SLC9C1: variants seen among roughly 807,000 people sequenced by gnomAD.
SLC9C1 encodes solute carrier family 9 member C1.
In SLC9C1, 97 loss-of-function variants were observed where a neutral mutation model predicts 140.9. The observed-to-expected ratio is 0.69, with a 90% CI of 0.58 to 0.82. SLC9C1 has a LOEUF of 0.82. Among genes scored for constraint, SLC9C1 ranks in the 40% least tolerant of loss-of-function variants. SLC9C1 has a pLI of 0.00. For missense variants in SLC9C1, 1,340 were observed against 1,389.3 expected, an observed-to-expected ratio of 0.96 and a Z score of 0.56; for synonymous variants, 440 against 442.6, an observed-to-expected ratio of 0.99 and a Z score of 0.07.
At chr3:112,167,394 A>T in intron 25 of SLC9C1, 47 bp from the exon 26 acceptor site, 1 of 1,521,344 alleles carries the variant, frequency 6.6e-7, no homozygotes, top group Non-Finnish European at 8.8e-7. Flanking sequence ...AATATCCTAC[A>T]ATTAAAAATT....
intron 21 of SLC9C1, among the ~76,000 whole-genome samples, chr3:112,180,906 C>G (rs752211619): frequency 1.3e-5 from 2 of 152,074 alleles, no homozygotes; most frequent in Non-Finnish European, 2.9e-5. Flanking sequence ...CAGGTGCCCA[C>G]GACCATGCCC....
In SLC9C1 at chr3:112,180,641, A is replaced by T; in HGVS notation, c.2671T>A (p.Phe891Ile). The change falls in exon 22 of 29, where the codon TTT (phenylalanine) becomes ATT (isoleucine). Residue 891 changes from phenylalanine to isoleucine, a missense_variant. Physicochemically the swap from Phe to Ile is conservative, Grantham distance 21. Transcript: ENST00000305815. ...FIQEKAKVVT[F>I]DCGNDIFEEG... ...TCAAATATATCATTTCCACAATCAA[A>T]TGTTACAACTTTGGCTTTTTCCTAA... 6.2e-7 allele frequency: 1 copy of T among 1,612,870 alleles called. No homozygotes were observed. Among genetic ancestry groups the T allele is most frequent in the Non-Finnish European group, 8.5e-7 (1 of 1,179,434 alleles).
chr3:112,201,360 A>C (rs2077900925), intron 18 of SLC9C1, among the ~76,000 whole-genome samples: 2 of 152,068 alleles, frequency 1.3e-5, no homozygotes, highest in East Asian at 1.9e-4. Flanking sequence ...CTCCAAATTC[A>C]AGTGCTAAAT....
At chr3:112,278,559 G>T (rs1170716130) in intron 4 of SLC9C1, among the ~76,000 whole-genome samples, 170 bp downstream of exon 4, 1 of 152,030 alleles carries the variant, frequency 6.6e-6, no homozygotes, top group Non-Finnish European at 1.5e-5. Context: ...TGATATGCTA[G>T]GCAATTGCCA....
intron 8 of SLC9C1, 42 bp from the exon 9 acceptor site, chr3:112,264,385 AATTT>A: frequency 1.7e-6 from 2 of 1,158,484 alleles, no homozygotes; most frequent in Non-Finnish European, 2.3e-6. Context: ...ATAATTAATT[AATTT>A]GACATCTTTA....
chr3:112,161,885 A>G (rs1251956105), intron 26 of SLC9C1, among the ~76,000 whole-genome samples: 1 of 149,998 alleles, frequency 6.7e-6, no homozygotes, highest in Admixed American at 6.6e-5. Context: ...CACGATATTG[A>G]TTCTTCCTAC....
At chr3:112,201,634 G>A (rs568166235) in intron 18 of SLC9C1, among the ~76,000 whole-genome samples, 2 of 151,922 alleles carry the variant, frequency 1.3e-5, no homozygotes, top group East Asian at 3.9e-4. Context: ...ATAATATCTA[G>A]AATTTAGGCC....
chr3:112,238,162 A>G (rs552514590), intron 12 of SLC9C1, among the ~76,000 whole-genome samples: 61 of 152,122 alleles, frequency 4.0e-4, no homozygotes, highest in African/African-American at 1.1e-3. Context: ...ATTTCTTTTT[A>G]TTCTGTTTTC....
chr3:112,201,409 G>A (rs2077902009), intron 18 of SLC9C1, among the ~76,000 whole-genome samples: 2 of 152,038 alleles, frequency 1.3e-5, no homozygotes, highest in Non-Finnish European at 2.9e-5. Context: ...TAAGAAAATA[G>A]TTTTAAAGTT....
chr3:112,236,022 T>G (rs2078975390), intron 12 of SLC9C1, among the ~76,000 whole-genome samples: 1 of 152,186 alleles, frequency 6.6e-6, no homozygotes, highest in African/African-American at 2.4e-5. Context: ...TTCTATTGAT[T>G]GGAATAGTTT....
intron 20 of SLC9C1, among the ~76,000 whole-genome samples, chr3:112,189,759 A>G (rs555541853): frequency 1.3e-5 from 2 of 152,234 alleles, no homozygotes; most frequent in South Asian, 2.1e-4. Context: ...ATTTTTTCCA[A>G]TTCTGTGAAG....
chr3:112,152,152 G>T (rs565475607), intron 27 of SLC9C1, among the ~76,000 whole-genome samples, 189 bp from the exon 28 acceptor site: 2 of 152,162 alleles, frequency 1.3e-5, no homozygotes. Flanking sequence ...GGGAAGACCC[G>T]CACCGGCACT....
At chr3:112,218,459 T>C in intron 14 of SLC9C1, among the ~76,000 whole-genome samples, 1 of 149,652 alleles carries the variant, frequency 6.7e-6, no homozygotes, top group Admixed American at 6.7e-5. Flanking sequence ...TTTTTTTTAC[T>C]ACAGGGATAC....
At chr3:112,174,607 G>C (rs79833586) in intron 23 of SLC9C1, among the ~76,000 whole-genome samples, 3,097 of 152,310 alleles carry the variant, frequency 0.02, 42 homozygotes, top group Non-Finnish European at 0.032. Flanking sequence ...ACTTTCATGA[G>C]CTGGGGGCCC....
chr3:112,182,181 A>C lies in SLC9C1; in HGVS notation c.2601T>G (p.Tyr867Ter). The C allele has an allele frequency of 6.2e-7, 1 of 1,605,108 alleles. No homozygotes were observed. Among genetic ancestry groups the C allele is most frequent in the Non-Finnish European group, 8.5e-7 (1 of 1,175,912 alleles). Residue 867 changes from tyrosine (Y) to a stop codon, truncating the protein, a stop_gained, in exon 21 of 29, where the codon TAT (tyrosine) becomes TAG (stop). Transcript: ENST00000305815. LOFTEE classifies it high-confidence loss of function. ...IRPLTVEEVL[Y>*]HIPWLDKNKD... ...TGTTTTTATCTAGCCACGGAATATG[A>C]TATAGAACTTCTTCAACAGTAAGAG...
At position 112,231,427 on chromosome 3, in the gene SLC9C1, T is replaced by C. The variant is rs1357172424; in HGVS notation, c.1506A>G (p.Glu502=). 1.9e-6 allele frequency: 3 copies of C among 1,613,364 alleles called. No homozygotes were observed. Among genetic ancestry groups the C allele is most frequent in the Non-Finnish European group, 2.5e-6 (3 of 1,179,644 alleles). ...CTTCAGTGTTAAAGATCTCATCTAT[T>C]TCCTTGTTACAGTGTGGACATTTCA... The part of the protein sequence containing the change: ...QKVKCPHCNK[E]IDEIFNTEAM... The change falls in exon 13 of 29, where the codon GAA becomes GAG. Residue 502 remains glutamate, a synonymous_variant. Transcript: ENST00000305815.
chr3:112,277,926 A>G (rs2080260189), intron 4 of SLC9C1, 66 bp from the exon 5 acceptor site: 1 of 1,363,788 alleles, frequency 7.3e-7, no homozygotes, highest in South Asian at 1.4e-5. Context: ...GAAGAAAATA[A>G]TCAGGATTAT....
intron 4 of SLC9C1, 60 bp from the exon 5 acceptor site, chr3:112,277,920 A>G (rs945356528): frequency 1.4e-6 from 2 of 1,398,702 alleles, no homozygotes; most frequent in Non-Finnish European, 2.0e-6. Flanking sequence ...TTTTAAGAAG[A>G]AAATAATCAG....
chr3:112,230,649 C>T (rs2078795769), intron 13 of SLC9C1, among the ~76,000 whole-genome samples: 1 of 152,060 alleles, frequency 6.6e-6, no homozygotes, highest in South Asian at 2.1e-4. Context: ...TTAGACTGAG[C>T]AGGTAGAGTG....
Sources: gnomAD v4.1 joint callset for allele counts (sites outside exome capture counted in the v4.1 genomes callset) on GRCh38, gnomAD v4.1.1 for gene constraint, MANE v1.5 for transcripts, NCBI Gene and HGNC (gene_info 2026-07-23, HGNC 2026-07-21) for gene names.